Variants in EYA2 observed in about 807,000 individuals in gnomAD.
EYA2 encodes protein phosphatase EYA2.
Under a neutral mutation model 69.2 loss-of-function variants are expected in EYA2, and 31 were observed. The observed-to-expected ratio is 0.45, with a 90% CI of 0.34 to 0.60. EYA2 has a LOEUF of 0.60. EYA2 is among the 20% of genes least tolerant of loss of function. The probability of loss-of-function intolerance (pLI) is 0.02; values close to 1 mark genes in which losing one functional copy is unlikely to be tolerated. For missense variants in EYA2, 622 were observed against 701.2 expected (o/e 0.89, Z 1.28); for synonymous variants, 257 against 279.4 (o/e 0.92, Z 0.80).
At chr20:47,102,161 A>G (rs766321464) in intron 9 of EYA2, among the ~76,000 whole-genome samples, 14 of 152,184 alleles carry the variant, frequency 9.2e-5, no homozygotes, top group Admixed American at 2.0e-4. Flanking sequence ...CAGCAATCCC[A>G]ACTAAAAACT....
intron 9 of EYA2, among the ~76,000 whole-genome samples, chr20:47,130,959 G>T (rs2146577150): frequency 6.6e-6 from 1 of 152,170 alleles, no homozygotes; most frequent in African/African-American, 2.4e-5. Flanking sequence ...TGTAGTGGCG[G>T]GTGCCTGTAA....
In EYA2 at chr20:47,072,164, C is replaced by T. The variant is rs1175414591; in HGVS notation, c.416-21C>T. 4 of 1,608,012 alleles carry T rather than the reference C, an allele frequency of 2.5e-6. No homozygotes were observed. The African/African-American group carries it at 5.3e-5, about 21-fold the overall frequency. Reference sequence around the variant, plus strand: ...AAAAGACAAGAACCCTAACCTGTACCCCTGTTCCTCCTTCCCACAGGCACA... The same window carrying T: ...AAAAGACAAGAACCCTAACCTGTACTCCTGTTCCTCCTTCCCACAGGCACA... On this transcript the variant is annotated intron_variant, in intron 5 of 15. Transcript: ENST00000327619.
chr20:47,121,013 G>A (rs2033030824), intron 9 of EYA2, among the ~76,000 whole-genome samples: 1 of 152,166 alleles, frequency 6.6e-6, no homozygotes, highest in Non-Finnish European at 1.5e-5. Context: ...TTCTCCCCTG[G>A]AACCATCTAG....
intron 12 of EYA2, among the ~76,000 whole-genome samples, chr20:47,175,618 T>C (rs2034410913): frequency 1.3e-5 from 2 of 152,158 alleles, no homozygotes; most frequent in South Asian, 4.1e-4. Context: ...AGTGGCACTT[T>C]TGTTATCTGG....
intron 5 of EYA2, among the ~76,000 whole-genome samples, chr20:47,064,093 C>G (rs1465576710): frequency 6.6e-6 from 1 of 152,166 alleles, no homozygotes; most frequent in Admixed American, 6.5e-5. Context: ...AGAGCTGGGA[C>G]TACAAGCATG....
At chr20:47,154,876 C>T (rs1377561559) in intron 10 of EYA2, among the ~76,000 whole-genome samples, 1 of 145,400 alleles carries the variant, frequency 6.9e-6, no homozygotes, top group Non-Finnish European at 1.5e-5. Context: ...GATGGAGCCT[C>T]GCTCTGTCTC....
At chr20:47,115,707 T>A (rs2032871637) in intron 9 of EYA2, among the ~76,000 whole-genome samples, 1 of 152,150 alleles carries the variant, frequency 6.6e-6, no homozygotes, top group South Asian at 2.1e-4. Flanking sequence ...CTCAGCCTAT[T>A]GGGCAGCCAA....
chr20:47,149,762 G>A (rs2033785975), intron 10 of EYA2, among the ~76,000 whole-genome samples: 2 of 151,756 alleles, frequency 1.3e-5, no homozygotes, highest in Non-Finnish European at 2.9e-5. Context: ...TTGGGAGGCT[G>A]AGGCAGCAGA....
Position 47,179,850 on chromosome 20 carries a change from G to A in EYA2, c.1251G>A (p.Leu417=), listed in dbSNP as rs1370275563. The A allele has an allele frequency of 6.2e-7, 1 of 1,614,004 alleles. No homozygotes were observed. Among genetic ancestry groups the A allele is most frequent in the African/African-American group, 1.3e-5 (1 of 74,918 alleles). ...RETWLQLRAE[L]EALTDLWLTH... is the part of the protein sequence containing the mutation. The stretch of plus-strand genomic sequence containing the variant: ...CCTGGCTACAGCTCCGAGCTGAGCT[G>A]GAAGCTCTCACAGACCTCTGGCTGA... The change falls in exon 13 of 16, where the codon CTG becomes CTA. Residue 417 remains leucine, a synonymous_variant. Coordinates refer to ENST00000327619, the MANE Select transcript of EYA2 (RefSeq NM_005244.5).
intron 5 of EYA2, among the ~76,000 whole-genome samples, chr20:47,043,625 C>T (rs964893585): frequency 6.6e-6 from 1 of 152,216 alleles, no homozygotes; most frequent in Non-Finnish European, 1.5e-5. Context: ...GGACAAGTTT[C>T]TTAACCTCTC....
At chr20:47,028,315 C>T (rs1022321693) in intron 5 of EYA2, among the ~76,000 whole-genome samples, 1 of 152,238 alleles carries the variant, frequency 6.6e-6, no homozygotes, top group East Asian at 1.9e-4. Flanking sequence ...GTGACAGCAG[C>T]CTGCACTAAG....
rs569761225 is a variant in EYA2 at position 47,081,825 on chromosome 20, G to GA, written c.662-7408dup. Among the ~76,000 whole-genome samples, 1,243 of 148,478 alleles carry GA rather than the reference G, an allele frequency of 8.4e-3. 8 individuals carry two copies. The highest frequency in any genetic ancestry group is 0.014 in the Non-Finnish European group (925 of 66,816). On this transcript the variant is annotated intron_variant, in intron 7 of 15. Coordinates refer to ENST00000327619, the MANE Select transcript of EYA2 (RefSeq NM_005244.5). ...AGAAAAAAAGAGAGAGAGAGAGAAA[G>GA]AAAAAATGTGCATTGCCTATTATTA... is the stretch of plus-strand genomic sequence containing the variant.
At position 46,990,004 on chromosome 20, in the gene EYA2, C is replaced by T; in HGVS notation, c.-7C>T. 6.7e-7 allele frequency: 1 copy of T among 1,502,604 alleles called. No individual in the cohort carries two copies. Among genetic ancestry groups the T allele is most frequent in the Non-Finnish European group, 9.3e-7 (1 of 1,079,104 alleles). The allele number at this position is 1,502,604 out of a possible 1,614,324, so 93.1% of individuals were successfully genotyped here. A position where few individuals can be genotyped will look rare whatever the true frequency, so the allele number is the denominator to read the frequency against. ...ATTTCCCTTTGTTTTCTTTCAGGTA[C>T]AAGGAAATGGTAGAACTAGTGATCT... On this transcript the variant is annotated 5_prime_UTR_variant, in exon 2 of 16. Coordinates refer to ENST00000327619, the MANE Select transcript of EYA2 (RefSeq NM_005244.5).
intron 5 of EYA2, among the ~76,000 whole-genome samples, chr20:47,018,804 G>A (rs1320747698): frequency 6.6e-6 from 1 of 152,208 alleles, no homozygotes; most frequent in East Asian, 1.9e-4. Context: ...CTCAGAGAGG[G>A]CAAGTGACTT....
chr20:46,905,774 T>C (rs950787737), intron 1 of EYA2, among the ~76,000 whole-genome samples: 4 of 152,172 alleles, frequency 2.6e-5, no homozygotes, highest in South Asian at 2.1e-4. Flanking sequence ...CCCAATCTCC[T>C]CATCAGCCCA....
Position 47,033,904 on chromosome 20 carries a change from G to A in EYA2, c.415+17607G>A, listed in dbSNP as rs559095246. On this transcript the variant is annotated intron_variant, in intron 5 of 15. Transcript: ENST00000327619. ...ACCACATCATACCATAACCTCTCCTGACTAATTTATTGGCACAAGAGATTA... is the reference window on the plus strand; with the variant it reads ...ACCACATCATACCATAACCTCTCCTAACTAATTTATTGGCACAAGAGATTA... 6.6e-5 allele frequency among the ~76,000 whole-genome samples: 10 copies of A among 152,286 alleles called. No homozygotes were observed. In the South Asian group the frequency reaches 2.1e-3, roughly 32 times the overall value.
At chr20:46,939,598 C>T (rs1005092526) in intron 1 of EYA2, among the ~76,000 whole-genome samples, 67 of 152,294 alleles carry the variant, frequency 4.4e-4, no homozygotes, top group African/African-American at 1.4e-3. Context: ...CTGACTAATA[C>T]ATGCATCTTC....
intron 9 of EYA2, among the ~76,000 whole-genome samples, chr20:47,114,143 A>G (rs941288931): frequency 4.2e-4 from 64 of 152,224 alleles, no homozygotes; most frequent in African/African-American, 1.4e-3. Flanking sequence ...ACAGAAACAC[A>G]CCATCCTCTC....
At chr20:47,056,364 GTT>G (rs78758372) in intron 5 of EYA2, among the ~76,000 whole-genome samples, 5 of 142,060 alleles carry the variant, frequency 3.5e-5, no homozygotes, top group African/African-American at 5.2e-5. Flanking sequence ...TATCCAAATT[GTT>G]TTTTTTTTTT....
Sources: allele counts gnomAD v4.1 joint callset (sites outside exome capture counted in the v4.1 genomes callset), GRCh38; gene constraint gnomAD v4.1.1; transcripts MANE v1.5; gene names NCBI Gene and HGNC (gene_info 2026-07-23, HGNC 2026-07-21).